DST: variants seen among roughly 807,000 people sequenced by gnomAD.
DST encodes dystonin.
In DST, 253 loss-of-function variants were observed where a neutral mutation model predicts 875.2. The observed-to-expected ratio is 0.29, with a 90% confidence interval of 0.26 to 0.32. DST has a LOEUF of 0.32. DST is among the 10% of genes least tolerant of loss of function. The pLI is 1.00. For synonymous variants in DST, 3,124 were observed against 3,197.1 expected (o/e 0.98, Z 0.77); for missense variants, 8,287 against 9,111.6 (o/e 0.91, Z 3.68).
intron 49 of DST, among the ~76,000 whole-genome samples, chr6:56,586,445 C>T (rs565165671): frequency 2.0e-3 from 303 of 151,196 alleles, no homozygotes; most frequent in African/African-American, 7.0e-3. Flanking sequence ...TTTCCATTTG[C>T]TTGGTAGATC....
At chr6:56,871,437 T>C in intron 3 of DST, 10 of 1,596,726 alleles carry the variant, frequency 6.3e-6, no homozygotes, top group East Asian at 2.2e-5. Flanking sequence ...ACAAGGTCGG[T>C]GGCCCAAAAA....
Position 56,631,192 on chromosome 6 carries a change from T to G in DST, c.4142+19A>C. Reference sequence around the variant, plus strand: ...GAGTTGTATGAAGCAATTTATATATTGAGATAGCAGTTACATACTTATCTA... The same window carrying G: ...GAGTTGTATGAAGCAATTTATATATGGAGATAGCAGTTACATACTTATCTA... On this transcript the variant is annotated intron_variant, in intron 30 of 103. Coordinates refer to ENST00000680361, the MANE Select transcript of DST (RefSeq NM_001374736.1). 1,308 of 1,458,124 alleles carry G rather than the reference T, an allele frequency of 9.0e-4. No homozygotes were observed. Among genetic ancestry groups the G allele is most frequent in the Non-Finnish European group, 1.1e-3 (1,196 of 1,063,880 alleles). The allele number at this position is 1,458,124 out of a possible 1,614,324, so 90.3% of individuals were successfully genotyped here.
intron 3 of DST, among the ~76,000 whole-genome samples, chr6:56,888,330 T>C (rs961759625): frequency 6.6e-6 from 1 of 152,196 alleles, no homozygotes; most frequent in Non-Finnish European, 1.5e-5. Context: ...ACTCAGTACA[T>C]TGAATGGGTG....
chr6:56,549,676 T>C (rs544965378), intron 61 of DST, among the ~76,000 whole-genome samples: 1 of 152,220 alleles, frequency 6.6e-6, no homozygotes, highest in Non-Finnish European at 1.5e-5. Context: ...TTTCTAAGAC[T>C]GTTTTACATG....
In DST at chr6:56,608,066, G is replaced by A. The variant is rs756224340; in HGVS notation, c.6562C>T (p.Pro2188Ser). 1 of 1,613,508 alleles carries A rather than the reference G, an allele frequency of 6.2e-7. No homozygotes were observed. The highest frequency in any genetic ancestry group is 8.5e-7 in the Non-Finnish European group (1 of 1,179,676). Residue 2188 changes from proline (P) to serine (S), a missense_variant, in exon 40 of 104, where the codon CCT becomes TCT. Physicochemically the swap from Pro to Ser is moderately conservative, Grantham distance 74. Around this residue, in one of 10 missense-constraint regions of DST, gnomAD observed 3,138 missense variants for 3,116.6 expected, o/e 1.01. Transcript: ENST00000680361. ...TCTTCTGAGGTCTGAGTAGTGACAG[G>A]TTCTTCTCCATCAAAAACATCCTCT... is the stretch of plus-strand genomic sequence containing the variant. ...QEEDVFDGEE[P>S]VTTQTSEETK...
chr6:56,779,082 G>A (rs1196214421), intron 4 of DST, among the ~76,000 whole-genome samples: 1 of 152,062 alleles, frequency 6.6e-6, no homozygotes, highest in African/African-American at 2.4e-5. Context: ...CATTCTAACT[G>A]GTGTGAGATG....
chr6:56,614,211 T>C (rs2098588228), intron 37 of DST, 145 bp downstream of exon 37: 2 of 671,506 alleles, frequency 3.0e-6, no homozygotes, highest in Non-Finnish European at 4.4e-6. Flanking sequence ...GGGCAAGTTA[T>C]TTAATCTTTC....
intron 63 of DST, among the ~76,000 whole-genome samples, chr6:56,533,759 C>T (rs968466101): frequency 6.6e-6 from 1 of 152,016 alleles, no homozygotes; most frequent in African/African-American, 2.4e-5. Context: ...AATGTGTTTC[C>T]AGTTATGTGT....
Position 56,605,058 on chromosome 6 carries a change from A to G in DST, c.9570T>C (p.Asn3190=). 6.2e-7 allele frequency: 1 copy of G among 1,612,740 alleles called. No homozygotes were observed. Among genetic ancestry groups the G allele is most frequent in the Non-Finnish European group, 8.5e-7 (1 of 1,179,306 alleles). The change falls in exon 40 of 104, where the codon AAT becomes AAC. Residue 3190 remains asparagine, a synonymous_variant. Coordinates refer to ENST00000680361, the MANE Select transcript of DST (RefSeq NM_001374736.1). ...LFTYLKHCAK[N]IKAKDVAKPN... Reference sequence around the variant, plus strand: ...GTTTGGCTACATCTTTTGCTTTTATATTTTTAGCACAATGTTTTAAGTAAG... The same window carrying G: ...GTTTGGCTACATCTTTTGCTTTTATGTTTTTAGCACAATGTTTTAAGTAAG...
At chr6:56,553,888 G>A (rs542063414) in intron 60 of DST, among the ~76,000 whole-genome samples, 1 of 152,170 alleles carries the variant, frequency 6.6e-6, no homozygotes, top group Non-Finnish European at 1.5e-5. Flanking sequence ...ACAGATGAGA[G>A]GGGAAAACAA....
intron 4 of DST, among the ~76,000 whole-genome samples, chr6:56,831,880 C>A (rs769514695): frequency 6.6e-6 from 1 of 151,904 alleles, no homozygotes; most frequent in Non-Finnish European, 1.5e-5. Flanking sequence ...CAATTAATTT[C>A]TGACTAGAAA....
At chr6:56,643,989 A>C (rs1175747989) in intron 15 of DST, among the ~76,000 whole-genome samples, 2 of 152,340 alleles carry the variant, frequency 1.3e-5, no homozygotes, top group East Asian at 3.9e-4. Context: ...CAAATGAAGA[A>C]ACTGAGGCTT....
chr6:56,635,569 C>T lies in DST; in HGVS notation c.3186+20G>A. The T allele has an allele frequency of 6.2e-7, 1 of 1,613,106 alleles. No homozygotes were observed. Among genetic ancestry groups the T allele is most frequent in the Non-Finnish European group, 8.5e-7 (1 of 1,179,324 alleles). On this transcript the variant is annotated intron_variant, in intron 24 of 103. Transcript: ENST00000680361. The stretch of plus-strand genomic sequence containing the variant: ...ATCACTTATGCATACTTATAAAATG[C>T]ATAGGTTTTGTATTAGTACCATTGA...
chr6:56,890,751 C>T (rs1339769707), intron 3 of DST, among the ~76,000 whole-genome samples: 1 of 152,168 alleles, frequency 6.6e-6, no homozygotes, highest in Non-Finnish European at 1.5e-5. Flanking sequence ...CTGAAAGTAG[C>T]TAAAACTGCA....
chr6:56,882,018 T>C (rs1396087110), intron 3 of DST, among the ~76,000 whole-genome samples: 4 of 152,216 alleles, frequency 2.6e-5, no homozygotes, highest in Admixed American at 1.3e-4. Context: ...AAAGTATATG[T>C]TCAGGTCGAA....
chr6:56,942,809 G>A (rs1009101768), intron 2 of DST, among the ~76,000 whole-genome samples: 2 of 150,332 alleles, frequency 1.3e-5, no homozygotes, highest in African/African-American at 2.5e-5. Flanking sequence ...TCGAACTCCT[G>A]GGCTTAAAAG....
At chr6:56,886,496 C>T (rs1034593479) in intron 3 of DST, among the ~76,000 whole-genome samples, 1 of 152,186 alleles carries the variant, frequency 6.6e-6, no homozygotes, top group Non-Finnish European at 1.5e-5. Context: ...CCTGAAACAG[C>T]CAGGCATGGT....
chr6:56,560,508 T>A (rs2097521792), intron 57 of DST, 85 bp from the exon 58 acceptor site: 1 of 1,391,698 alleles, frequency 7.2e-7, no homozygotes, highest in Non-Finnish European at 9.6e-7. Context: ...TTCTCTAGAA[T>A]AATGAAAAGA....
At chr6:56,575,947 A>C (rs960599980) in intron 50 of DST, among the ~76,000 whole-genome samples, 1 of 152,050 alleles carries the variant, frequency 6.6e-6, no homozygotes. Context: ...GTCTTAGGGT[A>C]GGGGGAGCAG....
Sources: gnomAD v4.1 joint callset for allele counts (sites outside exome capture counted in the v4.1 genomes callset) on GRCh38, gnomAD v4.1.1 for gene constraint, gnomAD v4.1.1 regional missense constraint, MANE v1.5 for transcripts, NCBI Gene and HGNC (gene_info 2026-07-23, HGNC 2026-07-21) for gene names.